The following TENM4 variants were observed in gnomAD, a reference collection of about 807,000 sequenced individuals.
The protein encoded by TENM4 is teneurin-4.
In TENM4, 82 loss-of-function variants were observed where a neutral mutation model predicts 243.3. The observed-to-expected ratio is 0.34, with a 90% confidence interval of 0.28 to 0.40. TENM4 has a LOEUF of 0.40. Ranked by LOEUF, TENM4 falls within the 10% of genes least tolerant of loss-of-function variation. The pLI is 1.00. For missense variants in TENM4, 3,138 were observed against 3,673.3 expected, an observed-to-expected ratio of 0.85 and a Z score of 3.77; for synonymous variants, 1,412 against 1,456.3, an observed-to-expected ratio of 0.97 and a Z score of 0.69.
intron 9 of TENM4, among the ~76,000 whole-genome samples, chr11:78,880,661 G>T (rs11237647): frequency 6.6e-6 from 1 of 152,106 alleles, no homozygotes; most frequent in Non-Finnish European, 1.5e-5. Context: ...TGATATGGAG[G>T]TCAAGGATAA....
At chr11:79,079,246 C>A (rs1277915124) in intron 4 of TENM4, among the ~76,000 whole-genome samples, 1 of 152,164 alleles carries the variant, frequency 6.6e-6, no homozygotes, top group African/African-American at 2.4e-5. Context: ...AGCCATCTTG[C>A]CCTTCTGTTA....
chr11:78,702,911 T>C (rs1471292246), intron 27 of TENM4, among the ~76,000 whole-genome samples: 1 of 152,192 alleles, frequency 6.6e-6, no homozygotes, highest in African/African-American at 2.4e-5. Flanking sequence ...TTAAGAAAGA[T>C]TCTTCATACA....
chr11:78,766,604 G>C (rs1237462264), intron 18 of TENM4, among the ~76,000 whole-genome samples: 1 of 152,036 alleles, frequency 6.6e-6, no homozygotes, highest in Non-Finnish European at 1.5e-5. Context: ...TCACGTGAGG[G>C]ATCTTGTTTC....
At chr11:79,367,838 T>A (rs775434248) in intron 1 of TENM4, among the ~76,000 whole-genome samples, 1 of 152,196 alleles carries the variant, frequency 6.6e-6, no homozygotes. Context: ...AAAGCAACAA[T>A]TTGCAAAGTT....
intron 2 of TENM4, among the ~76,000 whole-genome samples, chr11:79,264,477 G>C (rs1198518086): frequency 6.6e-6 from 1 of 152,194 alleles, no homozygotes; most frequent in African/African-American, 2.4e-5. Flanking sequence ...CAACACAGCA[G>C]TAACGGATTC....
At chr11:79,310,901 A>T (rs1161564940) in intron 1 of TENM4, among the ~76,000 whole-genome samples, 1 of 152,244 alleles carries the variant, frequency 6.6e-6, no homozygotes, top group Non-Finnish European at 1.5e-5. Flanking sequence ...CTAAGTGGGT[A>T]GGAGAGGGTT....
intron 1 of TENM4, among the ~76,000 whole-genome samples, chr11:79,358,590 G>A (rs1041834516): frequency 2.0e-5 from 3 of 151,932 alleles, no homozygotes; most frequent in African/African-American, 7.2e-5. Flanking sequence ...GAGGCTAAGC[G>A]TTCCTTCCCT....
intron 1 of TENM4, among the ~76,000 whole-genome samples, chr11:79,315,703 T>C (rs1410282330): frequency 6.6e-6 from 1 of 152,216 alleles, no homozygotes; most frequent in Non-Finnish European, 1.5e-5. Flanking sequence ...TGTGTACACA[T>C]TAAAGTCCAA....
chr11:78,844,741 G>A (rs1037912843), intron 12 of TENM4, among the ~76,000 whole-genome samples: 2 of 152,094 alleles, frequency 1.3e-5, no homozygotes, highest in African/African-American at 4.8e-5. Flanking sequence ...GAAGGCGACT[G>A]TTGCCAGCCT....
chr11:78,836,178 T>C (rs1858109312), intron 12 of TENM4, among the ~76,000 whole-genome samples: 1 of 151,016 alleles, frequency 6.6e-6, no homozygotes, highest in Non-Finnish European at 1.5e-5. Flanking sequence ...ACCAACATGG[T>C]GAAATCCTGT....
At chr11:79,225,229 G>C (rs1370154416) in intron 2 of TENM4, among the ~76,000 whole-genome samples, 1 of 152,144 alleles carries the variant, frequency 6.6e-6, no homozygotes, top group African/African-American at 2.4e-5. Flanking sequence ...AATCCACAGA[G>C]TGAGGAAAGC....
intron 12 of TENM4, among the ~76,000 whole-genome samples, chr11:78,817,823 C>T (rs1014668819): frequency 6.6e-6 from 1 of 152,138 alleles, no homozygotes; most frequent in African/African-American, 2.4e-5. Flanking sequence ...GTCACATGAT[C>T]TTTCGGTACC....
intron 19 of TENM4, among the ~76,000 whole-genome samples, chr11:78,749,790 T>C (rs1856140195): frequency 6.6e-6 from 1 of 152,218 alleles, no homozygotes; most frequent in Non-Finnish European, 1.5e-5. Flanking sequence ...TTCACTCCTG[T>C]TTAGAGCCAG....
intron 1 of TENM4, among the ~76,000 whole-genome samples, chr11:79,430,601 C>G (rs1225814132): frequency 6.6e-6 from 1 of 152,188 alleles, no homozygotes; most frequent in Non-Finnish European, 1.5e-5. Context: ...TTTTATTTAC[C>G]CATATGTGCC....
chr11:78,755,561 C>T (rs759138439), intron 19 of TENM4, among the ~76,000 whole-genome samples: 2 of 152,126 alleles, frequency 1.3e-5, no homozygotes, highest in Non-Finnish European at 2.9e-5. Context: ...TCTAAATGAG[C>T]TCCAGAATTA....
chr11:79,392,600 C>T (rs1184472278), intron 1 of TENM4, among the ~76,000 whole-genome samples: 4 of 152,214 alleles, frequency 2.6e-5, no homozygotes, highest in African/African-American at 9.6e-5. Context: ...ATTGGGCTGC[C>T]TGGGCCCTGC....
At chr11:78,751,321 A>G (rs1291321248) in intron 19 of TENM4, among the ~76,000 whole-genome samples, 5 of 152,074 alleles carry the variant, frequency 3.3e-5, no homozygotes, top group Admixed American at 1.3e-4. Flanking sequence ...TCCTTTTGCT[A>G]AAGTCCCCTG....
intron 1 of TENM4, among the ~76,000 whole-genome samples, chr11:79,320,642 G>A (rs555623932): frequency 2.6e-5 from 4 of 152,158 alleles, no homozygotes; most frequent in South Asian, 2.1e-4. Context: ...TCCAGAACCC[G>A]CATTTTAGCC....
chr11:79,341,352 A>C (rs1443177338), intron 1 of TENM4, among the ~76,000 whole-genome samples: 1 of 152,242 alleles, frequency 6.6e-6, no homozygotes, highest in Non-Finnish European at 1.5e-5. Context: ...GCTCCTCATG[A>C]CCAGCACTTA....
Sources: allele counts gnomAD v4.1 joint callset (sites outside exome capture counted in the v4.1 genomes callset), GRCh38; gene constraint gnomAD v4.1.1; transcripts MANE v1.5; gene names NCBI Gene and HGNC (gene_info 2026-07-23, HGNC 2026-07-21).